The following PACS1 variants were observed in gnomAD, a reference collection of about 807,000 sequenced individuals.
PACS1 encodes phosphofurin acidic cluster sorting protein 1.
A neutral mutation model predicts 115.0 loss-of-function variants in PACS1; 24 were observed. That is an observed-to-expected ratio of 0.21 (90% CI 0.15 to 0.29). The LOEUF is 0.29. Among genes scored for constraint, PACS1 ranks in the 10% least tolerant of loss-of-function variants. The pLI is 1.00. For missense variants in PACS1, 838 were observed against 1,251.2 expected, an observed-to-expected ratio of 0.67 and a Z score of 4.98; for synonymous variants, 453 against 504.5, an observed-to-expected ratio of 0.90 and a Z score of 1.37.
At chr11:66,182,644 C>A (rs1191984457) in intron 1 of PACS1, among the ~76,000 whole-genome samples, 2 of 152,072 alleles carry the variant, frequency 1.3e-5, no homozygotes, top group African/African-American at 4.8e-5. Flanking sequence ...CCACCCTGGG[C>A]TAGTATTTTT....
Position 66,234,141 on chromosome 11 carries a change from C to T in PACS1, c.2003C>T (p.Pro668Leu). The part of the protein sequence containing the change: ...RFLIIPLGSH[P>L]VAKYLGSVDS... ...GTTTTCCATCTACCAGGTTCTCACC[C>T]TGTGGCCAAATACTTGGGGTCAGTC... is the stretch of plus-strand genomic sequence containing the variant. The change falls in exon 17 of 24, where the codon CCT (proline) becomes CTT (leucine). Residue 668 changes from proline to leucine, a missense_variant. Pro to Leu is a moderately conservative substitution (Grantham distance 98). This residue lies in a region of PACS1 where 383 missense variants were observed against 537.0 expected (regional missense o/e 0.71). Coordinates refer to ENST00000320580, the MANE Select transcript of PACS1 (RefSeq NM_018026.4). 1.9e-6 allele frequency: 3 copies of T among 1,612,516 alleles called. No homozygotes were observed. The highest frequency in any genetic ancestry group is 2.5e-6 in the Non-Finnish European group (3 of 1,178,506).
chr11:66,220,520 G>A, intron 8 of PACS1, 111 bp from the exon 9 acceptor site: 1 of 996,012 alleles, frequency 1.0e-6, no homozygotes, highest in Non-Finnish European at 1.5e-6. Context: ...TGAAGCTCTG[G>A]CATGTCCCTT....
chr11:66,112,460 C>T (rs776917298), intron 1 of PACS1, among the ~76,000 whole-genome samples: 9 of 152,228 alleles, frequency 5.9e-5, no homozygotes, highest in Admixed American at 1.3e-4. Context: ...GGCCTTCCCT[C>T]GCTGCGCAGT....
At chr11:66,241,215 C>A in intron 21 of PACS1, 1 of 532,462 alleles carries the variant, frequency 1.9e-6, no homozygotes, top group Non-Finnish European at 3.4e-6. Flanking sequence ...GTTTCCTTTT[C>A]GTGACTTGGG....
intron 1 of PACS1, among the ~76,000 whole-genome samples, chr11:66,108,130 GCTTAAAAA>G (rs1432790134): frequency 6.6e-6 from 1 of 152,170 alleles, no homozygotes; most frequent in Non-Finnish European, 1.5e-5. Context: ...AGAATGAGTG[GCTTAAAAA>G]GCAAACATTT....
chr11:66,206,687 C>T (rs976238249), intron 2 of PACS1, among the ~76,000 whole-genome samples: 3 of 151,994 alleles, frequency 2.0e-5, no homozygotes, highest in Non-Finnish European at 2.9e-5. Flanking sequence ...TAAAGGGGAC[C>T]GAGAGGGCTG....
chr11:66,223,810 T>C (rs1855410948), intron 10 of PACS1, among the ~76,000 whole-genome samples: 1 of 152,198 alleles, frequency 6.6e-6, no homozygotes, highest in Non-Finnish European at 1.5e-5. Context: ...GTTACCTGAC[T>C]TATAAAACTT....
At chr11:66,146,091 T>TA (rs1859116866) in intron 1 of PACS1, among the ~76,000 whole-genome samples, 2 of 152,138 alleles carry the variant, frequency 1.3e-5, no homozygotes, top group Admixed American at 1.3e-4. Context: ...TTATTATGGT[T>TA]ATGTCTGTAA....
At chr11:66,144,112 T>TA (rs1859064420) in intron 1 of PACS1, among the ~76,000 whole-genome samples, 1 of 152,374 alleles carries the variant, frequency 6.6e-6, no homozygotes, top group South Asian at 2.1e-4. Context: ...TTCATAGAAC[T>TA]AAGAGTCAGA....
chr11:66,113,834 C>A (rs1231565616), intron 1 of PACS1, among the ~76,000 whole-genome samples: 1 of 152,162 alleles, frequency 6.6e-6, no homozygotes, highest in African/African-American at 2.4e-5. Flanking sequence ...CTTTAGTTCA[C>A]AGAATCACCC....
At chr11:66,088,418 A>G (rs548872426) in intron 1 of PACS1, among the ~76,000 whole-genome samples, 1 of 152,258 alleles carries the variant, frequency 6.6e-6, no homozygotes, top group Admixed American at 6.5e-5. Context: ...TCCATCTGAA[A>G]TTGATATTTG....
At chr11:66,153,276 A>G (rs1384633080) in intron 1 of PACS1, among the ~76,000 whole-genome samples, 1 of 152,192 alleles carries the variant, frequency 6.6e-6, no homozygotes, top group Admixed American at 6.5e-5. Flanking sequence ...GACTACAGGC[A>G]TGTGCCACTG....
chr11:66,151,562 G>A (rs1230920467), intron 1 of PACS1, among the ~76,000 whole-genome samples: 1 of 152,212 alleles, frequency 6.6e-6, no homozygotes, highest in Non-Finnish European at 1.5e-5. Context: ...CGACAGGAGA[G>A]ACAGTTCGCA....
At position 66,243,184 on chromosome 11, in the gene PACS1, G is replaced by A. The variant is rs1855850924; in HGVS notation, c.2796G>A (p.Glu932=). Residue 932 remains glutamate, a synonymous_variant, in exon 24 of 24, where the codon GAG becomes GAA. Transcript: ENST00000320580. The part of the protein sequence containing the change: ...TMLRVSIDGV[E]WSDIKFFQLA... ...CCCTAGTGTCCATCGATGGGGTCGA[G>A]TGGAGTGACATCAAGTTCTTCCAGC... The A allele has an allele frequency of 6.2e-7, 1 of 1,613,518 alleles. No homozygotes were observed.
At chr11:66,113,401 A>G (rs1029019014) in intron 1 of PACS1, among the ~76,000 whole-genome samples, 4 of 152,104 alleles carry the variant, frequency 2.6e-5, no homozygotes, top group Non-Finnish European at 4.4e-5. Flanking sequence ...AGTTGGCAAA[A>G]CATCTTTCTA....
chr11:66,077,507 G>A (rs1857417235), intron 1 of PACS1, among the ~76,000 whole-genome samples: 2 of 152,190 alleles, frequency 1.3e-5, no homozygotes, highest in Non-Finnish European at 2.9e-5. Flanking sequence ...GCTTCAGTGA[G>A]CCATGATCTC....
In PACS1 at chr11:66,070,581, C is replaced by A. The variant is rs1428423979; in HGVS notation, c.95C>A (p.Pro32Gln). 2.7e-6 allele frequency: 4 copies of A among 1,493,670 alleles called. No homozygotes were observed. The highest frequency in any genetic ancestry group is 1.2e-5 in the South Asian group (1 of 80,050). 92.5% of individuals were successfully genotyped at this position (1,493,670 alleles called of 1,614,324 possible). The change falls in exon 1 of 24, where the codon CCG becomes CAG. Residue 32 changes from proline (P) to glutamine (Q), a missense_variant. Pro to Gln is a moderately conservative substitution (Grantham distance 76, BLOSUM62 -1). Around this residue, in one of 6 missense-constraint regions of PACS1, gnomAD observed 129 missense variants for 109.4 expected, o/e 1.18. Transcript: ENST00000320580. This position sits in a 1 kb window ranked among gnomAD's most constrained non-coding sequence, Gnocchi z 5.9. The part of the protein sequence containing the change: ...GSGVAQSPQQ[P>Q]PPQQQQQQPP... ...GGGGTCGCCCAGTCCCCTCAGCAGC[C>A]GCCGCCGCAGCAGCAGCAGCAGCAG... is the stretch of plus-strand genomic sequence containing the variant.
intron 1 of PACS1, among the ~76,000 whole-genome samples, chr11:66,077,992 A>G (rs749762861): frequency 6.6e-6 from 1 of 152,194 alleles, no homozygotes; most frequent in African/African-American, 2.4e-5. Flanking sequence ...GTAAGCAACC[A>G]TGCCTGGCCA....
chr11:66,173,567 G>T (rs1328126425), intron 1 of PACS1, among the ~76,000 whole-genome samples: 1 of 151,890 alleles, frequency 6.6e-6, no homozygotes, highest in East Asian at 1.9e-4. Context: ...AAAATTAGCT[G>T]GGCATGGTGG....
Sources: allele counts gnomAD v4.1 joint callset (sites outside exome capture counted in the v4.1 genomes callset), GRCh38; gene constraint gnomAD v4.1.1; regional missense constraint gnomAD v4.1.1; non-coding constraint Gnocchi (gnomAD v3.1); transcripts MANE v1.5; gene names NCBI Gene and HGNC (gene_info 2026-07-23, HGNC 2026-07-21).